The following CECR2 variants were observed in gnomAD, a reference collection of about 807,000 sequenced individuals.
The protein encoded by CECR2 is chromatin remodeling regulator CECR2.
In CECR2, 30 loss-of-function variants were observed where a neutral mutation model predicts 154.5. The observed-to-expected ratio is 0.19, with a 90% CI of 0.15 to 0.26. The LOEUF is 0.26. CECR2 is among the 10% of genes least tolerant of loss of function. CECR2 has a pLI of 1.00. For missense variants in CECR2, 1,743 were observed against 1,829.3 expected, an observed-to-expected ratio of 0.95 and a Z score of 0.86; for synonymous variants, 725 against 683.7, an observed-to-expected ratio of 1.06 and a Z score of -0.94.
At chr22:17,365,462 A>C (rs1225602274), upstream of CECR2, among the ~76,000 whole-genome samples, 2 of 152,170 alleles carry the variant, frequency 1.3e-5, no homozygotes, top group African/African-American at 4.8e-5. Context: ...TGGGAGGCCA[A>C]GGTGGGCGGA....
intron 1 of CECR2, among the ~76,000 whole-genome samples, chr22:17,404,245 C>T (rs1298288870): frequency 9.2e-5 from 12 of 130,240 alleles, no homozygotes; most frequent in Admixed American, 8.4e-4. Context: ...GATGACAGTG[C>T]GAGACTCTGT....
chr22:17,543,590 C>G (rs1206291012), intron 16 of CECR2, among the ~76,000 whole-genome samples: 1 of 149,078 alleles, frequency 6.7e-6, no homozygotes, highest in Non-Finnish European at 1.5e-5. Context: ...GAGACAGAGT[C>G]CCACTCTTGC....
At chr22:17,398,169 TATC>T (rs1006341027) in intron 1 of CECR2, among the ~76,000 whole-genome samples, 2 of 151,770 alleles carry the variant, frequency 1.3e-5, no homozygotes, top group African/African-American at 4.9e-5. Flanking sequence ...TAGGAATTTG[TATC>T]ATCTGTTAAT....
chr22:17,442,969 CT>C (rs1418898632), intron 1 of CECR2, among the ~76,000 whole-genome samples: 1 of 152,070 alleles, frequency 6.6e-6, no homozygotes, highest in East Asian at 1.9e-4. Flanking sequence ...ATTTTTTAAA[CT>C]TTATCTTGGA....
intron 14 of CECR2, among the ~76,000 whole-genome samples, chr22:17,541,511 A>G (rs528136507): frequency 3.9e-5 from 6 of 152,370 alleles, no homozygotes; most frequent in African/African-American, 1.4e-4. Flanking sequence ...ACATGAATGT[A>G]CAGTATATCT....
At chr22:17,425,489 AAAC>A (rs1485275273) in intron 1 of CECR2, among the ~76,000 whole-genome samples, 1 of 152,206 alleles carries the variant, frequency 6.6e-6, no homozygotes, top group African/African-American at 2.4e-5. Context: ...AAAGATAACT[AAAC>A]TACTATATGG....
chr22:17,497,275 GCGAGAC>G, intron 2 of CECR2, 122 bp from the exon 3 acceptor site: 1 of 874,516 alleles, frequency 1.1e-6, no homozygotes, highest in Non-Finnish European at 1.7e-6. Flanking sequence ...GGATGACAGA[GCGAGAC>G]CCTGTCTGTA....
intron 1 of CECR2, among the ~76,000 whole-genome samples, chr22:17,447,404 C>T (rs1022693888): frequency 1.2e-4 from 18 of 151,942 alleles, no homozygotes; most frequent in African/African-American, 3.1e-4. Context: ...CCACCCACCT[C>T]GGCCTCCCAA....
chr22:17,476,851 G>A (rs1484347206), intron 1 of CECR2, among the ~76,000 whole-genome samples: 1 of 152,206 alleles, frequency 6.6e-6, no homozygotes, highest in Admixed American at 6.5e-5. Flanking sequence ...GGGGTGTTGG[G>A]AAGGGAAATA....
At chr22:17,451,483 TAGTGCCTC>T (rs2146700714) in intron 1 of CECR2, among the ~76,000 whole-genome samples, 1 of 152,318 alleles carries the variant, frequency 6.6e-6, no homozygotes, top group East Asian at 1.9e-4. Flanking sequence ...AATCTCATTT[TAGTGCCTC>T]TCTGGGCCTG....
chr22:17,369,205 C>T (rs1251018657), upstream of CECR2, among the ~76,000 whole-genome samples: 1 of 151,850 alleles, frequency 6.6e-6, no homozygotes, highest in Admixed American at 6.5e-5. Context: ...AGTGCTTCAA[C>T]TCCCCAGTCC....
intron 1 of CECR2, among the ~76,000 whole-genome samples, chr22:17,392,302 C>G (rs1461625648): frequency 6.6e-6 from 1 of 152,016 alleles, no homozygotes; most frequent in African/African-American, 2.4e-5. Flanking sequence ...GCCAGCCTGG[C>G]CAACATGGCG....
chr22:17,398,693 G>T (rs1239086675), intron 1 of CECR2, among the ~76,000 whole-genome samples: 1 of 152,090 alleles, frequency 6.6e-6, no homozygotes, highest in African/African-American at 2.4e-5. Flanking sequence ...GTTAACGTGA[G>T]AATTAAATAC....
At chr22:17,396,710 T>A (rs2146522454) in intron 1 of CECR2, among the ~76,000 whole-genome samples, 1 of 152,332 alleles carries the variant, frequency 6.6e-6, no homozygotes, top group South Asian at 2.1e-4. Flanking sequence ...AGAACATTCC[T>A]GGTATATAAC....
intron 1 of CECR2, among the ~76,000 whole-genome samples, chr22:17,474,603 C>T (rs756151885): frequency 6.6e-6 from 1 of 152,202 alleles, no homozygotes; most frequent in African/African-American, 2.4e-5. Flanking sequence ...CTAGCTAGAA[C>T]CTAGGCAGCG....
intron 1 of CECR2, among the ~76,000 whole-genome samples, chr22:17,440,536 G>T (rs1339976665): frequency 4.6e-5 from 7 of 152,140 alleles, no homozygotes; most frequent in Non-Finnish European, 1.0e-4. Context: ...GTGGAATTCA[G>T]GTCTGTCCTT....
At chr22:17,458,787 CT>C (rs750635591) in intron 1 of CECR2, among the ~76,000 whole-genome samples, 2 of 152,064 alleles carry the variant, frequency 1.3e-5, no homozygotes, top group African/African-American at 4.8e-5. Context: ...ACTTTGCTGA[CT>C]TTTTTTGTTA....
chr22:17,469,622 C>T (rs1031326089), intron 1 of CECR2, among the ~76,000 whole-genome samples: 2 of 146,108 alleles, frequency 1.4e-5, no homozygotes, highest in Admixed American at 6.9e-5. Flanking sequence ...AGTAAGAATC[C>T]AGTTCTCTTT....
intron 7 of CECR2, among the ~76,000 whole-genome samples, chr22:17,505,957 A>G (rs757364365): frequency 1.4e-5 from 2 of 145,180 alleles, no homozygotes; most frequent in African/African-American, 2.6e-5. Flanking sequence ...TGATCCTCTC[A>G]TCTCAACCTC....
Sources: allele counts gnomAD v4.1 joint callset (sites outside exome capture counted in the v4.1 genomes callset), GRCh38; gene constraint gnomAD v4.1.1; transcripts MANE v1.5; gene names NCBI Gene and HGNC (gene_info 2026-07-23, HGNC 2026-07-21).